AFF3: variants seen among roughly 807,000 people sequenced by gnomAD.
AFF3 encodes AF4/FMR2 family member 3.
In AFF3, 32 loss-of-function variants were observed where a neutral mutation model predicts 129.7. The observed-to-expected ratio is 0.25, with a 90% CI of 0.19 to 0.33. The LOEUF is 0.33. AFF3 is among the 10% of genes least tolerant of loss of function. The pLI is 1.00. For synonymous variants in AFF3, 644 were observed against 635.4 expected (o/e 1.01, Z -0.20); for missense variants, 1,373 against 1,592.0 (o/e 0.86, Z 2.34).
chr2:99,624,986 A>G (rs1215555662), intron 13 of AFF3, among the ~76,000 whole-genome samples: 1 of 152,190 alleles, frequency 6.6e-6, no homozygotes, highest in African/African-American at 2.4e-5. Flanking sequence ...CACAAGATAC[A>G]GTCTCTCGTG....
chr2:100,014,123 C>T (rs903736156), intron 4 of AFF3, among the ~76,000 whole-genome samples: 28 of 151,008 alleles, frequency 1.9e-4, no homozygotes, highest in African/African-American at 6.8e-4. Flanking sequence ...ATGCAGTTTG[C>T]TTGGAGCACT....
intron 4 of AFF3, among the ~76,000 whole-genome samples, chr2:100,018,077 T>A (rs984546485): frequency 1.3e-5 from 2 of 152,018 alleles, no homozygotes; most frequent in African/African-American, 2.4e-5. Context: ...CTAAAACCTA[T>A]AAAATATAAC....
At chr2:99,585,368 A>G (rs1287382477) in intron 16 of AFF3, among the ~76,000 whole-genome samples, 1 of 152,146 alleles carries the variant, frequency 6.6e-6, no homozygotes, top group Non-Finnish European at 1.5e-5. Context: ...CTTCTCTTGG[A>G]CTGCTGTACA....
At chr2:99,856,680 C>G (rs1690555964) in intron 7 of AFF3, among the ~76,000 whole-genome samples, 1 of 152,054 alleles carries the variant, frequency 6.6e-6, no homozygotes, top group African/African-American at 2.4e-5. Context: ...AATCAGCTTA[C>G]AAAAAACCTT....
chr2:99,827,321 G>A (rs995505886), intron 8 of AFF3, among the ~76,000 whole-genome samples: 12 of 152,138 alleles, frequency 7.9e-5, no homozygotes, highest in African/African-American at 1.4e-4. Flanking sequence ...ACAGGTCCAC[G>A]TAGGAGACCC....
At chr2:100,106,199 T>TA (rs1691281003) in intron 2 of AFF3, 1 of 1,188,914 alleles carries the variant, frequency 8.4e-7, no homozygotes, top group Non-Finnish European at 1.1e-6. Context: ...CATCCATAAC[T>TA]AATGTGCAAA....
intron 7 of AFF3, among the ~76,000 whole-genome samples, chr2:99,945,815 G>A (rs1675508753): frequency 6.6e-6 from 1 of 152,126 alleles, no homozygotes; most frequent in Non-Finnish European, 1.5e-5. Context: ...GAAGATGCTT[G>A]GGGTTTAAAA....
In AFF3 at chr2:99,872,716, G is replaced by A. The variant is rs556667548; in HGVS notation, c.874-35192C>T. Among the ~76,000 whole-genome samples the A allele has an allele frequency of 1.2e-3, 177 of 151,802 alleles. 1 individual carries two copies. The highest frequency in any genetic ancestry group is 3.7e-3 in the African/African-American group (154 of 41,378). On this transcript the variant is annotated intron_variant, in intron 7 of 24. Transcript: ENST00000672756. ...GAATAATTTTTTAACATCATGCATCGGTCATTTAGAAAATCTTGGTTCACT... is the reference window on the plus strand; with the variant it reads ...GAATAATTTTTTAACATCATGCATCAGTCATTTAGAAAATCTTGGTTCACT...
chr2:99,919,375 G>A (rs917528788), intron 7 of AFF3, among the ~76,000 whole-genome samples: 1 of 152,022 alleles, frequency 6.6e-6, no homozygotes, highest in Non-Finnish European at 1.5e-5. Flanking sequence ...TATTTCTGGA[G>A]GTGTTAGTTT....
chr2:99,752,220 C>T lies in AFF3; in HGVS notation c.1002+1G>A, dbSNP rs771591908. The stretch of plus-strand genomic sequence containing the variant: ...TCCTCCTGAGGGATGCAAGATCTCA[C>T]CTTATTTGGAAATGGAAATTTGGTT... On this transcript the variant is annotated splice_donor_variant, in intron 9 of 24. Transcript: ENST00000672756. LOFTEE classifies it high-confidence loss of function. The T allele has an allele frequency of 1.9e-6, 3 of 1,610,548 alleles. No homozygotes were observed. Among genetic ancestry groups the T allele is most frequent in the Non-Finnish European group, 2.5e-6 (3 of 1,176,834 alleles).
chr2:99,667,866 T>A (rs1303105840), intron 12 of AFF3, among the ~76,000 whole-genome samples: 7 of 150,980 alleles, frequency 4.6e-5, no homozygotes, highest in Non-Finnish European at 3.0e-5. Context: ...CTATTAATAT[T>A]TTTTTTTTGG....
At chr2:99,839,495 T>G (rs1039135087) in intron 7 of AFF3, among the ~76,000 whole-genome samples, 1 of 152,240 alleles carries the variant, frequency 6.6e-6, no homozygotes, top group African/African-American at 2.4e-5. Context: ...ATGAGGATTC[T>G]AATTTCTCCA....
chr2:100,105,947 G>C, intron 2 of AFF3: 1 of 1,327,640 alleles, frequency 7.5e-7, no homozygotes, highest in Non-Finnish European at 1.0e-6. Flanking sequence ...GGCAAGAACC[G>C]CTGACTGGGG....
intron 11 of AFF3, among the ~76,000 whole-genome samples, chr2:99,678,158 C>T (rs1246059296): frequency 3.9e-5 from 6 of 152,202 alleles, no homozygotes. Context: ...CTGGCAAATA[C>T]AACTTTTGCA....
chr2:100,035,366 G>T (rs547703370), intron 4 of AFF3, among the ~76,000 whole-genome samples: 1 of 152,276 alleles, frequency 6.6e-6, no homozygotes, highest in South Asian at 2.1e-4. Context: ...GGTGTGCAAG[G>T]AGCTTCCAAG....
rs1299280921 is a variant in AFF3 at position 99,565,545 on chromosome 2, C to G, written c.3061G>C (p.Gly1021Arg). Residue 1021 changes from glycine to arginine, a missense_variant, in exon 20 of 25, where the codon GGC becomes CGC. By Grantham distance (125) the Gly-to-Arg change is moderately radical (BLOSUM62 -2). This residue lies in a region of AFF3 where 65 missense variants were observed against 102.1 expected (regional missense o/e 0.64). Coordinates refer to ENST00000672756, the MANE Select transcript of AFF3 (RefSeq NM_001386135.1). ...FIECGNAMEQ[G>R]PMESKSPYTM... ...TAAGGAGATTTGGATTCCATGGGGCCTTGTTCCATTGCATTTCCACACTCG... is the reference window on the plus strand; with the variant it reads ...TAAGGAGATTTGGATTCCATGGGGCGTTGTTCCATTGCATTTCCACACTCG... 1 of 1,614,222 alleles carries G rather than the reference C, an allele frequency of 6.2e-7. No homozygotes were observed.
At chr2:99,592,314 G>A (rs999601448) in intron 15 of AFF3, among the ~76,000 whole-genome samples, 2 of 152,002 alleles carry the variant, frequency 1.3e-5, no homozygotes, top group Non-Finnish European at 2.9e-5. Flanking sequence ...CTCCTCTACA[G>A]AGCCCTGTTT....
chr2:99,661,532 A>G (rs780640579), intron 12 of AFF3, among the ~76,000 whole-genome samples: 19 of 152,230 alleles, frequency 1.2e-4, no homozygotes, highest in Non-Finnish European at 2.6e-4. Context: ...CCTCAGGCTG[A>G]AACTAGGCAT....
intron 7 of AFF3, among the ~76,000 whole-genome samples, chr2:99,892,339 C>G (rs1244097214): frequency 6.6e-6 from 1 of 152,010 alleles, no homozygotes; most frequent in Non-Finnish European, 1.5e-5. Context: ...TAGATTTTTT[C>G]CCACATTCTA....
Sources: gnomAD v4.1 joint callset for allele counts (sites outside exome capture counted in the v4.1 genomes callset) on GRCh38, gnomAD v4.1.1 for gene constraint, gnomAD v4.1.1 regional missense constraint, MANE v1.5 for transcripts, NCBI Gene and HGNC (gene_info 2026-07-23, HGNC 2026-07-21) for gene names.